SEMA3A: variants seen among roughly 807,000 people sequenced by gnomAD.
SEMA3A encodes semaphorin-3A.
In SEMA3A, 29 loss-of-function variants were observed where a neutral mutation model predicts 97.9. The observed-to-expected ratio is 0.30, with a 90% CI of 0.22 to 0.40. The LOEUF (loss-of-function observed/expected upper bound fraction) is 0.40. SEMA3A is among the 10% of genes least tolerant of loss of function. The pLI is 1.00. For synonymous variants in SEMA3A, 321 were observed against 323.7 expected (o/e 0.99, Z 0.09); for missense variants, 763 against 951.3 (o/e 0.80, Z 2.60).
chr7:84,457,677 G>A (rs1351117051), intron 1 of SEMA3A, among the ~76,000 whole-genome samples: 4 of 151,892 alleles, frequency 2.6e-5, no homozygotes, highest in African/African-American at 9.7e-5. Context: ...GTAACATGAT[G>A]TAATTAACCT....
intron 2 of SEMA3A, among the ~76,000 whole-genome samples, chr7:84,337,098 C>T (rs1240664704): frequency 6.6e-6 from 1 of 152,100 alleles, no homozygotes; most frequent in Non-Finnish European, 1.5e-5. Flanking sequence ...TCAGTTAACT[C>T]ACCTGCAAAA....
At chr7:84,167,846 T>G (rs1010044425) in intron 1 of SEMA3A, among the ~76,000 whole-genome samples, 1 of 152,184 alleles carries the variant, frequency 6.6e-6, no homozygotes, top group Non-Finnish European at 1.5e-5. Context: ...ATATTGAGAC[T>G]AATTTGATGT....
chr7:84,335,680 T>C (rs1802020639), intron 2 of SEMA3A, among the ~76,000 whole-genome samples: 1 of 152,118 alleles, frequency 6.6e-6, no homozygotes, highest in African/African-American at 2.4e-5. Flanking sequence ...CGTATGACCT[T>C]AGAGAGTGAA....
intron 1 of SEMA3A, among the ~76,000 whole-genome samples, chr7:84,152,547 TG>T (rs1796706678): frequency 1.2e-5 from 1 of 86,184 alleles, no homozygotes; most frequent in Non-Finnish European, 2.2e-5. Flanking sequence ...TGTTGTGGGG[TG>T]GGGGGAGGGG....
intron 1 of SEMA3A, among the ~76,000 whole-genome samples, chr7:84,460,507 C>G (rs1204182946): frequency 6.6e-6 from 1 of 151,906 alleles, no homozygotes; most frequent in Admixed American, 6.6e-5. Flanking sequence ...ACCATTTAGT[C>G]ATGAAGAAAA....
At chr7:84,450,137 A>T (rs967655245) in intron 1 of SEMA3A, among the ~76,000 whole-genome samples, 2 of 152,094 alleles carry the variant, frequency 1.3e-5, no homozygotes, top group African/African-American at 4.8e-5. Flanking sequence ...TTTTATATTT[A>T]ATTTTTTTGG....
chr7:84,259,721 G>A (rs186096256), intron 3 of SEMA3A, among the ~76,000 whole-genome samples: 1 of 151,418 alleles, frequency 6.6e-6, no homozygotes, highest in African/African-American at 2.4e-5. Context: ...GAAAACCTTG[G>A]GTAGGAGAAA....
chr7:84,310,746 A>C (rs939400842), intron 2 of SEMA3A, among the ~76,000 whole-genome samples: 4 of 152,028 alleles, frequency 2.6e-5, no homozygotes, highest in Non-Finnish European at 5.9e-5. Context: ...TTTTCTTTTA[A>C]AATAACATAG....
intron 15 of SEMA3A, among the ~76,000 whole-genome samples, chr7:83,972,516 T>TA (rs992483757): frequency 2.6e-5 from 4 of 152,160 alleles, no homozygotes; most frequent in South Asian, 2.1e-4. Context: ...ATGTTTACTT[T>TA]AAAAAATCAG....
chr7:84,084,447 G>T (rs944125030), intron 4 of SEMA3A, among the ~76,000 whole-genome samples: 17 of 151,718 alleles, frequency 1.1e-4, no homozygotes, highest in African/African-American at 3.6e-4. Context: ...TTCTATTCAA[G>T]GAGTATTACA....
intron 3 of SEMA3A, among the ~76,000 whole-genome samples, chr7:84,254,808 G>A (rs1268489042): frequency 1.3e-5 from 2 of 152,030 alleles, no homozygotes; most frequent in African/African-American, 4.8e-5. Context: ...TCATGGATTG[G>A]TTTTGTCTAT....
intron 5 of SEMA3A, among the ~76,000 whole-genome samples, chr7:84,054,548 G>A (rs1792859726): frequency 6.6e-6 from 1 of 151,256 alleles, no homozygotes; most frequent in Admixed American, 6.6e-5. Context: ...TTGGTTTTCA[G>A]CTCCATCAGC....
At chr7:84,184,342 G>T (rs1301334603) in intron 1 of SEMA3A, among the ~76,000 whole-genome samples, 1 of 152,168 alleles carries the variant, frequency 6.6e-6, no homozygotes, top group Non-Finnish European at 1.5e-5. Context: ...GGAAGTAAAA[G>T]AAGTCTGAGA....
intron 3 of SEMA3A, among the ~76,000 whole-genome samples, chr7:84,269,896 C>T (rs1010328173): frequency 2.0e-5 from 3 of 151,858 alleles, no homozygotes; most frequent in Non-Finnish European, 4.4e-5. Flanking sequence ...CATTTTAGAA[C>T]AAAAAGTAAT....
intron 13 of SEMA3A, 69 bp downstream of exon 13, chr7:83,985,363 AATAG>A (rs1412756234): frequency 3.9e-6 from 4 of 1,033,934 alleles, no homozygotes; most frequent in Admixed American, 2.3e-5. Flanking sequence ...AAATTTGATA[AATAG>A]ATATATCTAT....
At position 84,397,566 on chromosome 7, in the gene SEMA3A, C is replaced by CTTTTA. The variant is rs937126936; in HGVS notation, c.-245-25671_-245-25667dup. On this transcript the variant is annotated intron_variant, in intron 1 of 3. Coordinates refer to the SEMA3A transcript ENST00000424555. ...AGTGTGCATAGTATAATTTTTTTAA[C>CTTTTA]TTTTAAGCTCAGAAGTACAAGTGCA... Among the ~76,000 whole-genome samples, 105 of 150,686 alleles carry CTTTTA rather than the reference C, an allele frequency of 7.0e-4. 1 individual carries two copies. The highest frequency in any genetic ancestry group is 2.4e-3 in the African/African-American group (97 of 41,200).
intron 1 of SEMA3A, among the ~76,000 whole-genome samples, chr7:84,471,508 G>A (rs1010588760): frequency 9.9e-5 from 15 of 151,942 alleles, no homozygotes; most frequent in Non-Finnish European, 2.1e-4. Flanking sequence ...AACTAAACAC[G>A]TCTATGCGGG....
Position 84,476,778 on chromosome 7 carries a change from C to T in SEMA3A, c.-246+15682G>A, listed in dbSNP as rs17159073. 0.014 allele frequency among the ~76,000 whole-genome samples: 2,076 copies of T among 152,088 alleles called. 97 individuals carry two copies. In the East Asian group the frequency reaches 0.16, roughly 12 times the overall value. Reference sequence around the variant, plus strand: ...TCTTACATTGTAGCTGAAAATCTAACGCAAGAAACAAACTTGCACAATATC... The same window carrying T: ...TCTTACATTGTAGCTGAAAATCTAATGCAAGAAACAAACTTGCACAATATC... On this transcript the variant is annotated intron_variant, in intron 1 of 3. Coordinates refer to the SEMA3A transcript ENST00000424555.
intron 1 of SEMA3A, among the ~76,000 whole-genome samples, chr7:84,405,160 C>T (rs1000226603): frequency 2.6e-5 from 4 of 151,946 alleles, no homozygotes; most frequent in African/African-American, 9.7e-5. Flanking sequence ...ATCTCAGGTG[C>T]AGAGACACAC....
Sources: gnomAD v4.1 joint callset for allele counts (sites outside exome capture counted in the v4.1 genomes callset) on GRCh38, gnomAD v4.1.1 for gene constraint, MANE v1.5 for transcripts, NCBI Gene and HGNC (gene_info 2026-07-23, HGNC 2026-07-21) for gene names.